Variants in RBPJ observed in about 807,000 individuals in gnomAD.
RBPJ encodes the protein recombining binding protein suppressor of hairless.
RBPJ carries 9 observed loss-of-function variants against 67.8 expected under a neutral mutation model. The ratio of observed to expected loss-of-function variants is 0.13; its 90% CI spans 0.08 to 0.23. The LOEUF is 0.23. RBPJ is among the 10% of genes least tolerant of loss of function. The pLI, the probability that RBPJ is intolerant of heterozygous loss-of-function variation, is 1.00. For missense variants in RBPJ, 305 were observed against 595.6 expected, an observed-to-expected ratio of 0.51 and a Z score of 5.08; for synonymous variants, 198 against 203.3, an observed-to-expected ratio of 0.97 and a Z score of 0.22.
chr4:26,228,840 T>A (rs1719173802), intron 1 of RBPJ, among the ~76,000 whole-genome samples: 1 of 152,220 alleles, frequency 6.6e-6, no homozygotes. Context: ...AACTTGGACC[T>A]GCAGAGCTTG....
intron 1 of RBPJ, among the ~76,000 whole-genome samples, chr4:26,377,909 G>A (rs2109585386): frequency 6.6e-6 from 1 of 152,278 alleles, no homozygotes; most frequent in Admixed American, 6.5e-5. Context: ...ATTATATAAT[G>A]CATTTTAAAG....
the RBPJ span, among the ~76,000 whole-genome samples, chr4:26,140,361 T>G: frequency 6.6e-6 from 1 of 152,144 alleles, no homozygotes; most frequent in East Asian, 1.9e-4. Context: ...CAAACTGACA[T>G]CAGCAAAAAT....
chr4:26,372,228 A>G (rs979857474), intron 1 of RBPJ, among the ~76,000 whole-genome samples: 5 of 152,226 alleles, frequency 3.3e-5, no homozygotes, highest in African/African-American at 1.2e-4. Context: ...AATCCAGTTG[A>G]TGGAATTTGT....
At chr4:26,136,327 C>T in the RBPJ span, among the ~76,000 whole-genome samples, 1 of 152,244 alleles carries the variant, frequency 6.6e-6, no homozygotes, top group Non-Finnish European at 1.5e-5. Flanking sequence ...CCTCTCCCAT[C>T]TATCCCCAGC....
At chr4:26,375,139 C>CA (rs1289035896) in intron 1 of RBPJ, among the ~76,000 whole-genome samples, 6 of 151,404 alleles carry the variant, frequency 4.0e-5, no homozygotes, top group Non-Finnish European at 8.8e-5. Context: ...CCTGTTTCTG[C>CA]AAAAAAATAC....
intron 1 of RBPJ, among the ~76,000 whole-genome samples, chr4:26,370,756 A>G (rs932448172): frequency 1.3e-5 from 2 of 152,154 alleles, no homozygotes; most frequent in African/African-American, 4.8e-5. Flanking sequence ...AATTTGGTAA[A>G]ATAGTTCCCT....
chr4:26,107,189 A>G, the RBPJ span, among the ~76,000 whole-genome samples: 1 of 152,242 alleles, frequency 6.6e-6, no homozygotes, highest in Non-Finnish European at 1.5e-5. Flanking sequence ...TTAGTCTGGT[A>G]TTGAAATAAT....
chr4:26,179,966 A>G lies in RBPJ; in HGVS notation c.-167+16352A>G, dbSNP rs561801067. Among the ~76,000 whole-genome samples, 86 of 152,354 alleles carry G rather than the reference A, an allele frequency of 5.6e-4. 1 individual carries two copies. Among genetic ancestry groups the G allele is most frequent in the African/African-American group, 2.0e-3 (83 of 41,582 alleles). ...AGACTGGTTAAAGCAAATGTGGTAC[A>G]TATACACCAGGAAATACGATGCAGC... On this transcript the variant is annotated intron_variant, in intron 1 of 4. Transcript: ENST00000512351.
At chr4:26,326,184 A>G (rs1049217039) in intron 1 of RBPJ, among the ~76,000 whole-genome samples, 1 of 152,160 alleles carries the variant, frequency 6.6e-6, no homozygotes, top group African/African-American at 2.4e-5. Flanking sequence ...TAATTCATAT[A>G]TATGTATAAT....
intron 1 of RBPJ, among the ~76,000 whole-genome samples, chr4:26,266,236 A>G (rs1302237548): frequency 6.6e-6 from 1 of 152,138 alleles, no homozygotes; most frequent in Non-Finnish European, 1.5e-5. Flanking sequence ...GGCTTGTTGG[A>G]TGTGTAGGGG....
rs145245756 is a variant in RBPJ at position 26,350,750 on chromosome 4, C to T, written c.20+29702C>T. Among the ~76,000 whole-genome samples the T allele has an allele frequency of 6.0e-3, 917 of 152,266 alleles. 13 individuals carry two copies. The highest frequency in any genetic ancestry group is 0.021 in the African/African-American group (877 of 41,550). ...TGGCATGTGAAGTAAATACAGAATT[C>T]AAAGATGATTCCCTGGTTTTTGGCC... On this transcript the variant is annotated intron_variant, in intron 1 of 10. Coordinates refer to ENST00000355476, the MANE Select transcript of RBPJ (RefSeq NM_015874.6).
At chr4:26,227,672 A>G (rs1467148636) in intron 1 of RBPJ, among the ~76,000 whole-genome samples, 2 of 152,200 alleles carry the variant, frequency 1.3e-5, no homozygotes, top group African/African-American at 4.8e-5. Flanking sequence ...CCCAGGGTAC[A>G]TGACCATATA....
intron 1 of RBPJ, among the ~76,000 whole-genome samples, chr4:26,332,373 G>T (rs1560271933): frequency 6.6e-6 from 1 of 151,958 alleles, no homozygotes; most frequent in Non-Finnish European, 1.5e-5. Flanking sequence ...CAGTTTCTTA[G>T]GTACCCTAAG....
At chr4:26,210,868 C>T (rs1289786547) in intron 1 of RBPJ, among the ~76,000 whole-genome samples, 1 of 149,572 alleles carries the variant, frequency 6.7e-6, no homozygotes, top group Non-Finnish European at 1.5e-5. Context: ...GTTATGGGTA[C>T]TTTCAACCGA....
At chr4:26,401,048 T>C (rs1204021196) in intron 2 of RBPJ, among the ~76,000 whole-genome samples, 2 of 152,250 alleles carry the variant, frequency 1.3e-5, no homozygotes, top group African/African-American at 4.8e-5. Flanking sequence ...CCATTTTCCC[T>C]CCCTCTGCAT....
chr4:26,336,881 C>T (rs1724889736), intron 1 of RBPJ, among the ~76,000 whole-genome samples: 1 of 152,216 alleles, frequency 6.6e-6, no homozygotes, highest in East Asian at 1.9e-4. Context: ...ACTTTTACCA[C>T]CTCCCTAAAT....
chr4:26,236,749 G>A (rs1188020446), intron 1 of RBPJ, among the ~76,000 whole-genome samples: 1 of 152,154 alleles, frequency 6.6e-6, no homozygotes, highest in Non-Finnish European at 1.5e-5. Context: ...CCACACAAGG[G>A]CCCTTTTGGA....
chr4:26,257,756 G>T (rs1720389891), intron 1 of RBPJ, among the ~76,000 whole-genome samples: 1 of 152,148 alleles, frequency 6.6e-6, no homozygotes. Context: ...AGCTAACTTA[G>T]TTATCTTCTC....
chr4:26,203,135 C>T (rs1015455007), intron 1 of RBPJ, among the ~76,000 whole-genome samples: 1 of 152,192 alleles, frequency 6.6e-6, no homozygotes, highest in Non-Finnish European at 1.5e-5. Context: ...TGTTTGAGGT[C>T]CAGTCTTATC....
Sources: gnomAD v4.1 joint callset for allele counts (sites outside exome capture counted in the v4.1 genomes callset) on GRCh38, gnomAD v4.1.1 for gene constraint, MANE v1.5 for transcripts, NCBI Gene and HGNC (gene_info 2026-07-23, HGNC 2026-07-21) for gene names.